DEPDC4: variants seen among roughly 807,000 people sequenced by gnomAD.
The protein encoded by DEPDC4 is DEP domain-containing protein 4.
Under a neutral mutation model 52.0 loss-of-function variants are expected in DEPDC4, and 52 were observed. The observed-to-expected ratio is 1.00, with a 90% CI of 0.80 to 1.26. The LOEUF (loss-of-function observed/expected upper bound fraction) is 1.26. DEPDC4 is among the 50% of genes most tolerant of loss of function. The pLI, the probability that DEPDC4 is intolerant of heterozygous loss-of-function variation, is 0.00. For synonymous variants in DEPDC4, 201 were observed against 196.8 expected, an observed-to-expected ratio of 1.02 and a Z score of -0.18; for missense variants, 530 against 546.9, an observed-to-expected ratio of 0.97 and a Z score of 0.31.
At chr12:100,238,734 A>G (rs2153903403), downstream of DEPDC4, among the ~76,000 whole-genome samples, 1 of 149,158 alleles carries the variant, frequency 6.7e-6, no homozygotes, top group East Asian at 2.0e-4. Context: ...GCATCTACCC[A>G]CTTCAGCCTC....
intron 1 of DEPDC4, 78 bp downstream of exon 1, chr12:100,266,842 G>A: frequency 6.6e-7 from 1 of 1,521,534 alleles, no homozygotes; most frequent in Non-Finnish European, 8.9e-7. Context: ...CCAATGAGGA[G>A]CAGAGTCCCA....
chr12:100,233,748 T>C (rs975975018), intron 9 of DEPDC4, among the ~76,000 whole-genome samples: 19 of 152,148 alleles, frequency 1.2e-4, no homozygotes, highest in African/African-American at 4.1e-4. Context: ...AATCAGCAAA[T>C]AGAAGCACTT....
intron 4 of DEPDC4, 45 bp from the exon 5 acceptor site, chr12:100,253,760 CCATTT>C: frequency 9.7e-7 from 1 of 1,031,704 alleles, no homozygotes; most frequent in Non-Finnish European, 1.3e-6. Flanking sequence ...GTTAACATTT[CCATTT>C]AACTAAAGCA....
rs550593442 is a variant in DEPDC4 at position 100,252,412 on chromosome 12, G to T, written c.1230C>A (p.Ala410=). ...TFMAMASEPN[A]YKLQKQYDNK... ...TTTTCACCTGTTTTTGCAACTTGTAGGCATTGGGCTCTGATGCCATTGCCA... is the reference window on the plus strand; with the variant it reads ...TTTTCACCTGTTTTTGCAACTTGTATGCATTGGGCTCTGATGCCATTGCCA... Residue 410 remains alanine (A), a synonymous_variant, in exon 6 of 10, where the codon GCC becomes GCA. Coordinates refer to ENST00000550587, the MANE Select transcript of DEPDC4 (RefSeq NM_001364818.2). The T allele has an allele frequency of 6.5e-5, 103 of 1,575,232 alleles. No homozygotes were observed. The African/African-American group carries it at 1.2e-3, about 19-fold the overall frequency.
At chr12:100,242,646 T>C (rs749285541) in intron 8 of DEPDC4, 77 bp from the exon 9 acceptor site, 24 of 154,802 alleles carry the variant, frequency 1.6e-4, no homozygotes, top group African/African-American at 5.1e-4. Context: ...GGGTTGTCCA[T>C]TACTGGGGCT....
intron 1 of DEPDC4, among the ~76,000 whole-genome samples, chr12:100,265,652 A>G (rs139356135): frequency 0.014 from 2,144 of 152,312 alleles, 17 homozygotes; most frequent in Non-Finnish European, 0.021. Flanking sequence ...AATAGTAGCC[A>G]GCCATTAGAA....
At chr12:100,270,948 GTTT>G (rs138948329), upstream of DEPDC4, among the ~76,000 whole-genome samples, 3,730 of 151,618 alleles carry the variant, frequency 0.025, 147 homozygotes, top group African/African-American at 0.085. Context: ...AGTCTTTTCA[GTTT>G]TTTATGTTCG....
chr12:100,241,849 GAAAAAA>G lies in DEPDC4; in HGVS notation c.*47-10_*47-5del. The G allele has an allele frequency of 9.8e-7, 1 of 1,018,642 alleles. No homozygotes were observed. Among genetic ancestry groups the G allele is most frequent in the Non-Finnish European group, 1.2e-6 (1 of 834,540 alleles). 63.1% of individuals were successfully genotyped at this position (1,018,642 alleles called of 1,614,324 possible). On this transcript the variant is annotated splice_polypyrimidine_tract_variant and splice_region_variant and intron_variant, in intron 9 of 9. Coordinates refer to ENST00000550587, the MANE Select transcript of DEPDC4 (RefSeq NM_001364818.2). ...AAGGGTTGGCAAAACGTAAAGCCTG[GAAAAAA>G]AAAAAAAAAACAAAAGAAAAAGAAA...
chr12:100,242,035 ACATT>A lies in DEPDC4; in HGVS notation c.*47-194_*47-191del, dbSNP rs2096161356. On this transcript the variant is annotated intron_variant, in intron 9 of 9. Coordinates refer to ENST00000550587, the MANE Select transcript of DEPDC4 (RefSeq NM_001364818.2). ...AAACATACATGATTTTATTTTACAT[ACATT>A]ATTTGATCTCTAAAATAACTAGAAG... 3.9e-5 allele frequency among the ~76,000 whole-genome samples: 6 copies of A among 152,324 alleles called. No homozygotes were observed. The South Asian group carries it at 1.2e-3, about 32-fold the overall frequency.
At chr12:100,252,654 C>A in intron 5 of DEPDC4, 118 bp from the exon 6 acceptor site, 1 of 991,530 alleles carries the variant, frequency 1.0e-6, no homozygotes, top group East Asian at 2.8e-5. Flanking sequence ...AGGTTCTTTT[C>A]TACAATTAAA....
chr12:100,243,874 G>T (rs2096171039), intron 8 of DEPDC4, among the ~76,000 whole-genome samples: 1 of 151,524 alleles, frequency 6.6e-6, no homozygotes, highest in South Asian at 2.1e-4. Flanking sequence ...CATATCCAGT[G>T]GCCGTTCTGA....
the DEPDC4 span, among the ~76,000 whole-genome samples, chr12:100,281,932 A>T: frequency 1.3e-5 from 2 of 152,068 alleles, no homozygotes; most frequent in Admixed American, 6.6e-5. Context: ...ATGTGAAGTG[A>T]TCAACACCTG....
At chr12:100,245,423 T>C (rs536263064) in intron 8 of DEPDC4, among the ~76,000 whole-genome samples, 1 of 152,204 alleles carries the variant, frequency 6.6e-6, no homozygotes, top group South Asian at 2.1e-4. Context: ...CCCACCACCA[T>C]GCTGGGCTAA....
chr12:100,234,634 T>G (rs1199871207), intron 9 of DEPDC4, among the ~76,000 whole-genome samples: 1 of 152,178 alleles, frequency 6.6e-6, no homozygotes, highest in Non-Finnish European at 1.5e-5. Context: ...AAACAATCTT[T>G]GTCATCTCGT....
At chr12:100,267,618 C>T (rs533771581), upstream of DEPDC4, 69 of 152,462 alleles carry the variant, frequency 4.5e-4, no homozygotes, top group African/African-American at 1.6e-3. Context: ...GCAGCGAGCT[C>T]CGGGGAGCGG....
At chr12:100,261,433 T>C (rs2096253329) in intron 3 of DEPDC4, among the ~76,000 whole-genome samples, 2 of 152,198 alleles carry the variant, frequency 1.3e-5, no homozygotes, top group South Asian at 2.1e-4. Flanking sequence ...CTGCCATTAG[T>C]GGCATTTTAA....
intron 1 of DEPDC4, 53 bp from the exon 2 acceptor site, chr12:100,263,946 G>A: frequency 6.6e-7 from 1 of 1,517,230 alleles, no homozygotes; most frequent in Non-Finnish European, 8.8e-7. Flanking sequence ...ACAAAAATAT[G>A]CAAATTTTTC....
chr12:100,279,253 G>C, the DEPDC4 span, among the ~76,000 whole-genome samples: 3 of 152,186 alleles, frequency 2.0e-5, no homozygotes, highest in African/African-American at 4.8e-5. Flanking sequence ...CACAACCTAG[G>C]TCCCTTGCAT....
At chr12:100,232,368 C>T (rs1014079857) in intron 9 of DEPDC4, among the ~76,000 whole-genome samples, 1 of 151,464 alleles carries the variant, frequency 6.6e-6, no homozygotes, top group Non-Finnish European at 1.5e-5. Context: ...TGCACTCCAG[C>T]CTGGGCGACA....
Sources: allele counts gnomAD v4.1 joint callset (sites outside exome capture counted in the v4.1 genomes callset), GRCh38; gene constraint gnomAD v4.1.1; transcripts MANE v1.5; gene names NCBI Gene and HGNC (gene_info 2026-07-23, HGNC 2026-07-21).